Variants in KAZN observed in about 807,000 individuals in gnomAD.
KAZN encodes kazrin, periplakin interacting protein.
A neutral mutation model predicts 87.4 loss-of-function variants in KAZN; 40 were observed. That is an observed-to-expected ratio of 0.46 (90% CI 0.36 to 0.60). The LOEUF (loss-of-function observed/expected upper bound fraction) is 0.60. KAZN is among the 20% of genes least tolerant of loss of function. The probability of loss-of-function intolerance (pLI) is 0.00; values close to 1 mark genes in which losing one functional copy is unlikely to be tolerated. For synonymous variants in KAZN, 466 were observed against 458.3 expected, an observed-to-expected ratio of 1.02 and a Z score of -0.22; for missense variants, 898 against 1,073.9, an observed-to-expected ratio of 0.84 and a Z score of 2.29.
At chr1:14,186,573 G>T (rs975091374) in intron 2 of KAZN, among the ~76,000 whole-genome samples, 1 of 152,140 alleles carries the variant, frequency 6.6e-6, no homozygotes, top group East Asian at 1.9e-4. Context: ...CTTTGATCAA[G>T]ATTCAAATTC....
rs369455162 is a variant in KAZN at position 14,652,862 on chromosome 1, T to C, written c.226+53639T>C. ...TTTTGCTACCCCGCCCCCATGGCAA[T>C]TGGGGACATTTTTGGTTGTCACAGC... is the stretch of plus-strand genomic sequence containing the variant. On this transcript the variant is annotated intron_variant, in intron 1 of 14. Transcript: ENST00000376030. Among the ~76,000 whole-genome samples, 7 of 150,626 alleles carry C rather than the reference T, an allele frequency of 4.6e-5. No homozygotes were observed. In the South Asian group the frequency reaches 6.4e-4, roughly 14 times the overall value.
At chr1:15,002,318 T>G (rs1157092514) in intron 2 of KAZN, among the ~76,000 whole-genome samples, 4 of 152,110 alleles carry the variant, frequency 2.6e-5, no homozygotes, top group Non-Finnish European at 4.4e-5. Context: ...TTGGTTGAGT[T>G]TACAGAGAGA....
intron 4 of KAZN, among the ~76,000 whole-genome samples, chr1:15,051,640 G>A (rs1300384800): frequency 2.0e-5 from 3 of 152,218 alleles, no homozygotes; most frequent in Non-Finnish European, 2.9e-5. Flanking sequence ...GACAGCTGGA[G>A]GAACGAAGGC....
chr1:14,874,667 C>T (rs538830269), intron 1 of KAZN, among the ~76,000 whole-genome samples: 1 of 152,348 alleles, frequency 6.6e-6, no homozygotes, highest in African/African-American at 2.4e-5. Flanking sequence ...AACCAATCTC[C>T]TTCTCCATTC....
chr1:15,103,947 C>T (rs573936623), intron 12 of KAZN, 76 bp from the exon 13 acceptor site: 1 of 1,445,312 alleles, frequency 6.9e-7, no homozygotes, highest in African/African-American at 1.4e-5. Flanking sequence ...GGACAGAGCC[C>T]CACGTGGAAC....
At chr1:13,987,160 T>A (rs1351412062) in intron 1 of KAZN, among the ~76,000 whole-genome samples, 1 of 150,552 alleles carries the variant, frequency 6.6e-6, no homozygotes, top group South Asian at 2.1e-4. Context: ...TTTTGGTTAA[T>A]TTTTTTTTTA....
At chr1:13,933,476 G>C (rs1263763830) in intron 1 of KAZN, among the ~76,000 whole-genome samples, 1 of 152,146 alleles carries the variant, frequency 6.6e-6, no homozygotes, top group African/African-American at 2.4e-5. Context: ...TAGGCAACAA[G>C]AGCAAAACTC....
chr1:14,649,197 T>G (rs1430280507), intron 1 of KAZN, among the ~76,000 whole-genome samples: 1 of 152,224 alleles, frequency 6.6e-6, no homozygotes, highest in East Asian at 1.9e-4. Context: ...TCCCAAGGAT[T>G]GATGGCTAAG....
At chr1:14,176,043 G>A (rs1467673403) in intron 1 of KAZN, among the ~76,000 whole-genome samples, 1 of 152,158 alleles carries the variant, frequency 6.6e-6, no homozygotes, top group Non-Finnish European at 1.5e-5. Flanking sequence ...AAAAAGTCAG[G>A]TGGTATTGTT....
chr1:15,001,448 C>T (rs1445374376), intron 2 of KAZN, among the ~76,000 whole-genome samples: 5 of 150,600 alleles, frequency 3.3e-5, no homozygotes, highest in East Asian at 2.0e-4. Context: ...CCTGGGCGAC[C>T]GAGCGAAAAT....
chr1:15,057,392 C>T (rs531156509), intron 5 of KAZN, among the ~76,000 whole-genome samples: 6 of 152,272 alleles, frequency 3.9e-5, no homozygotes, highest in East Asian at 3.9e-4. Context: ...TGTAAAACTG[C>T]GGGAATGGGG....
intron 8 of KAZN, among the ~76,000 whole-genome samples, chr1:15,082,493 A>C (rs1162077964): frequency 1.3e-5 from 2 of 152,226 alleles, no homozygotes; most frequent in Non-Finnish European, 2.9e-5. Context: ...AAATAGTAAA[A>C]GAAGAAAAAA....
chr1:14,746,950 T>C (rs1308286010), intron 1 of KAZN, among the ~76,000 whole-genome samples: 1 of 152,214 alleles, frequency 6.6e-6, no homozygotes, highest in Non-Finnish European at 1.5e-5. Context: ...CTACTTCTCA[T>C]CTTCCCAAAT....
intron 2 of KAZN, among the ~76,000 whole-genome samples, chr1:14,339,803 G>T (rs1253310602): frequency 1.3e-5 from 2 of 152,198 alleles, no homozygotes; most frequent in African/African-American, 4.8e-5. Flanking sequence ...GGCACCACAT[G>T]AGCTAGTCCA....
At chr1:14,821,539 C>A (rs931707745) in intron 1 of KAZN, among the ~76,000 whole-genome samples, 1 of 150,998 alleles carries the variant, frequency 6.6e-6, no homozygotes, top group Non-Finnish European at 1.5e-5. Context: ...GAGGTAATTA[C>A]AGTAAAATGA....
intron 2 of KAZN, among the ~76,000 whole-genome samples, chr1:14,258,536 AAC>A (rs1366592389): frequency 2.0e-5 from 3 of 152,044 alleles, no homozygotes; most frequent in Non-Finnish European, 4.4e-5. Flanking sequence ...CGCCTAAAAA[AAC>A]ACAGAGTTCA....
At chr1:14,941,267 C>G (rs1340007347) in intron 1 of KAZN, among the ~76,000 whole-genome samples, 1 of 152,142 alleles carries the variant, frequency 6.6e-6, no homozygotes, top group South Asian at 2.1e-4. Context: ...CCAGTGCCAT[C>G]AGGTCAAAAG....
intron 1 of KAZN, among the ~76,000 whole-genome samples, chr1:14,613,609 T>G (rs1428367843): frequency 1.3e-5 from 2 of 152,252 alleles, no homozygotes; most frequent in African/African-American, 4.8e-5. Context: ...TCAGTAGCTT[T>G]GTCAAATGGT....
At chr1:14,937,985 G>T in intron 1 of KAZN, among the ~76,000 whole-genome samples, 1 of 152,176 alleles carries the variant, frequency 6.6e-6, no homozygotes, top group East Asian at 1.9e-4. Flanking sequence ...TATTTAGGGC[G>T]TTTTAGCCTT....
Sources: allele counts gnomAD v4.1 joint callset (sites outside exome capture counted in the v4.1 genomes callset), GRCh38; gene constraint gnomAD v4.1.1; transcripts MANE v1.5; gene names NCBI Gene and HGNC (gene_info 2026-07-23, HGNC 2026-07-21).